Variants in ASTN1 observed in about 807,000 individuals in gnomAD.
The protein encoded by ASTN1 is astrotactin 1, also known as astrotactin-1.
In ASTN1, 41 loss-of-function variants were observed where a neutral mutation model predicts 140.7. The observed-to-expected ratio is 0.29, with a 90% CI of 0.23 to 0.38. ASTN1 has a LOEUF of 0.38. Ranked by LOEUF, ASTN1 falls within the 10% of genes least tolerant of loss-of-function variation. The pLI is 1.00. For synonymous variants in ASTN1, 640 were observed against 652.2 expected, an observed-to-expected ratio of 0.98 and a Z score of 0.29; for missense variants, 1,479 against 1,678.8, an observed-to-expected ratio of 0.88 and a Z score of 2.08.
At chr1:176,874,378 G>T (rs1205740733) in intron 21 of ASTN1, among the ~76,000 whole-genome samples, 1 of 152,218 alleles carries the variant, frequency 6.6e-6, no homozygotes, top group Non-Finnish European at 1.5e-5. Context: ...AACTTGAACA[G>T]TCTTTTAAAA....
At chr1:177,108,340 T>C (rs1410110811) in intron 1 of ASTN1, among the ~76,000 whole-genome samples, 10 of 100,774 alleles carry the variant, frequency 9.9e-5, no homozygotes, top group African/African-American at 3.4e-4. Context: ...AGAGCAAGAC[T>C]CCGTCTCAAA....
intron 1 of ASTN1, among the ~76,000 whole-genome samples, chr1:177,133,089 C>T (rs1571831207): frequency 6.6e-6 from 1 of 152,162 alleles, no homozygotes; most frequent in East Asian, 1.9e-4. Context: ...TGTGCCTGTC[C>T]AGCTGAATCC....
chr1:176,996,289 T>TCTCACA (rs1553240565), intron 8 of ASTN1, among the ~76,000 whole-genome samples: 10 of 129,302 alleles, frequency 7.7e-5, no homozygotes, highest in South Asian at 5.2e-4. Flanking sequence ...TCTCTCTCTC[T>TCTCACA]CACACACACA....
rs537888328 is a variant in ASTN1 at position 176,868,775 on chromosome 1, A to G, written c.3647+69T>C. ...GAAATCTCTACAACTTCATGGATGC[A>G]GTATTACGGCACAAGAGGTACAAAA... On this transcript the variant is annotated intron_variant, in intron 22 of 22. Transcript: ENST00000361833. 31 of 1,445,726 alleles carry G rather than the reference A, an allele frequency of 2.1e-5. No homozygotes were observed. In the South Asian group the frequency reaches 4.5e-4, roughly 21 times the overall value. The allele number at this position is 1,445,726 out of a possible 1,614,324, so 89.6% of individuals were successfully genotyped here.
rs1353831135 is a variant in ASTN1 at position 177,030,877 on chromosome 1, T to C, written c.941A>G (p.Asn314Ser). 1.2e-6 allele frequency: 2 copies of C among 1,614,038 alleles called. No homozygotes were observed. Among genetic ancestry groups the C allele is most frequent in the East Asian group, 2.2e-5 (1 of 44,894 alleles). Residue 314 changes from asparagine to serine, a missense_variant, in exon 4 of 23, where the codon AAC becomes AGC. Asn to Ser is a conservative substitution (Grantham distance 46). Around this residue, in one of 3 missense-constraint regions of ASTN1, gnomAD observed 729 missense variants for 860.4 expected, o/e 0.85. Coordinates refer to ENST00000361833, the MANE Select transcript of ASTN1 (RefSeq NM_004319.3). ...AGAGAGAAGGGTGGCTTGCTGGTGG[T>C]TGGAGTCCACAGGGCTAGTGGCTAT... The part of the protein sequence containing the change: ...NIIATSPVDS[N>S]HQQATLLSHT...
chr1:177,148,984 AGAG>A (rs1008464203), intron 1 of ASTN1, among the ~76,000 whole-genome samples: 4 of 147,794 alleles, frequency 2.7e-5, no homozygotes, highest in African/African-American at 9.9e-5. Flanking sequence ...TCTAGGAAAA[AGAG>A]GAAGAGAAAA....
At chr1:177,040,945 T>G (rs1676940641) in intron 2 of ASTN1, among the ~76,000 whole-genome samples, 1 of 152,160 alleles carries the variant, frequency 6.6e-6, no homozygotes, top group Non-Finnish European at 1.5e-5. Context: ...GTTCTTGAGA[T>G]TTTTTTCTTG....
intron 8 of ASTN1, among the ~76,000 whole-genome samples, chr1:177,010,748 G>T (rs1413483057): frequency 6.6e-6 from 1 of 152,156 alleles, no homozygotes; most frequent in Non-Finnish European, 1.5e-5. Flanking sequence ...CGATTCACAT[G>T]CTTTCTGCAT....
intron 2 of ASTN1, among the ~76,000 whole-genome samples, chr1:177,046,107 C>T (rs1043340983): frequency 1.3e-5 from 2 of 152,110 alleles, no homozygotes; most frequent in African/African-American, 4.8e-5. Flanking sequence ...AGGACCAACA[C>T]TTTTCCATAG....
intron 8 of ASTN1, among the ~76,000 whole-genome samples, chr1:176,990,269 T>A (rs1260590880): frequency 2.0e-5 from 3 of 148,440 alleles, no homozygotes; most frequent in South Asian, 4.2e-4. Flanking sequence ...GAGGCTGGAT[T>A]TTTTTTTTCC....
intron 2 of ASTN1, among the ~76,000 whole-genome samples, chr1:177,044,558 G>A (rs1178247992): frequency 1.3e-5 from 2 of 152,332 alleles, no homozygotes; most frequent in East Asian, 3.9e-4. Context: ...TGGAAATTGA[G>A]CGGCAGCTCT....
chr1:176,909,534 A>G (rs1670140271), intron 16 of ASTN1, among the ~76,000 whole-genome samples: 1 of 152,288 alleles, frequency 6.6e-6, no homozygotes, highest in East Asian at 1.9e-4. Flanking sequence ...CCTTCAAATA[A>G]AAATGCAAAA....
chr1:176,940,549 C>A (rs1347668805), intron 14 of ASTN1, among the ~76,000 whole-genome samples: 1 of 152,200 alleles, frequency 6.6e-6, no homozygotes, highest in Non-Finnish European at 1.5e-5. Flanking sequence ...ATACTTGAAG[C>A]CTTTCCTTTT....
intron 2 of ASTN1, among the ~76,000 whole-genome samples, chr1:177,036,824 T>C (rs1676742125): frequency 6.6e-6 from 1 of 152,080 alleles, no homozygotes; most frequent in Non-Finnish European, 1.5e-5. Flanking sequence ...TTTTTTTTCT[T>C]TTTTTCTTTT....
intron 20 of ASTN1, among the ~76,000 whole-genome samples, chr1:176,877,817 G>A (rs554547313): frequency 2.0e-5 from 3 of 152,288 alleles, no homozygotes; most frequent in Non-Finnish European, 2.9e-5. Context: ...TTACAGGGAG[G>A]GAGAGAGGTG....
At chr1:177,042,689 A>G (rs1007496966) in intron 2 of ASTN1, among the ~76,000 whole-genome samples, 1 of 152,212 alleles carries the variant, frequency 6.6e-6, no homozygotes, top group Admixed American at 6.5e-5. Flanking sequence ...TATAATTTCC[A>G]TTTTTAGAAA....
chr1:176,864,930 T>C (rs1231982920), intron 22 of ASTN1, among the ~76,000 whole-genome samples: 15 of 152,236 alleles, frequency 9.9e-5, no homozygotes, highest in Admixed American at 9.2e-4. Context: ...CAATGCCGCT[T>C]CTGAACTGGT....
At chr1:176,924,078 AC>A (rs1468905874) in intron 16 of ASTN1, among the ~76,000 whole-genome samples, 3 of 152,204 alleles carry the variant, frequency 2.0e-5, no homozygotes, top group African/African-American at 7.2e-5. Flanking sequence ...GCCCAGTTGC[AC>A]ATTGAGCTAC....
At chr1:176,929,819 T>TTG (rs1457882841) in intron 16 of ASTN1, among the ~76,000 whole-genome samples, 15 of 152,170 alleles carry the variant, frequency 9.9e-5, no homozygotes, top group Non-Finnish European at 2.2e-4. Flanking sequence ...CCATCCTGGC[T>TTG]AACACGGTGA....
Sources: allele counts gnomAD v4.1 joint callset (sites outside exome capture counted in the v4.1 genomes callset), GRCh38; gene constraint gnomAD v4.1.1; regional missense constraint gnomAD v4.1.1; transcripts MANE v1.5; gene names NCBI Gene and HGNC (gene_info 2026-07-23, HGNC 2026-07-21).